ZNF695: variants seen among roughly 807,000 people sequenced by gnomAD.
ZNF695 encodes the protein zinc finger protein SBZF3.
In ZNF695, 11 loss-of-function variants were observed where a neutral mutation model predicts 11.2. That is an observed-to-expected ratio of 0.98 (90% CI 0.62 to 1.62). The LOEUF is 1.62. Among genes scored for constraint, ZNF695 ranks in the 40% most tolerant of loss-of-function variants. ZNF695 has a pLI of 0.00. For synonymous variants in ZNF695, 190 were observed against 201.4 expected, an observed-to-expected ratio of 0.94 and a Z score of 0.48; for missense variants, 559 against 590.5, an observed-to-expected ratio of 0.95 and a Z score of 0.55.
At chr1:246,992,146 A>T (rs1323972349) in intron 3 of ZNF695, among the ~76,000 whole-genome samples, 1 of 150,864 alleles carries the variant, frequency 6.6e-6, no homozygotes, top group Non-Finnish European at 1.5e-5. Context: ...CCTGGGTGAC[A>T]GAGCGAGACT....
chr1:246,998,963 G>C (rs1465605243), intron 3 of ZNF695, among the ~76,000 whole-genome samples: 1 of 149,280 alleles, frequency 6.7e-6, no homozygotes, highest in African/African-American at 2.5e-5. Flanking sequence ...ACGAGACTCT[G>C]TCTCAAGAAA....
intron 4 of ZNF695, chr1:246,968,940 T>A (rs1668355356): frequency 6.6e-6 from 1 of 152,286 alleles, no homozygotes; most frequent in Admixed American, 6.5e-5. Flanking sequence ...TTTTCCCTCC[T>A]AGGCCTCCAG....
rs749823485 is a variant in ZNF695, at chr1:247,007,871, C to G, written c.3+35G>C. On this transcript the variant is annotated intron_variant, in intron 1 of 3. Coordinates refer to ENST00000339986, the MANE Select transcript of ZNF695 (RefSeq NM_020394.5). Reference sequence around the variant, plus strand: ...TTCCAACCGATTCCAACCACCCCCTCTCCCTTCTCGGGACACCCTGCTCCG... The same window carrying G: ...TTCCAACCGATTCCAACCACCCCCTGTCCCTTCTCGGGACACCCTGCTCCG... The G allele has an allele frequency of 2.6e-6, 4 of 1,539,690 alleles. No individual in the cohort carries two copies. The African/African-American group carries it at 4.2e-5, about 16-fold the overall frequency.
chr1:246,970,456 G>A lies in ZNF695; in HGVS notation c.391-2664C>T, dbSNP rs557364215. Among the ~76,000 whole-genome samples the A allele has an allele frequency of 2.0e-5, 3 of 152,256 alleles. 1 individual carries two copies. The South Asian group carries it at 6.2e-4, about 32-fold the overall frequency. ...AAAGACTGGAGGTGGGGATGGCTAC[G>A]GCAGTTTGCAATTTGTGAGGCAGAG... On this transcript the variant is annotated intron_variant, in intron 4 of 5. Coordinates refer to the ZNF695 transcript ENST00000487338.
chr1:246,955,541 A>G lies in ZNF695; in HGVS notation c.489-9714T>C, dbSNP rs370061313. On this transcript the variant is annotated intron_variant, in intron 5 of 5. Transcript: ENST00000487338. ...ATATACTCTAAACTCTAAAATTATC[A>G]TTCTACTCAGTATTGCTGATCTCTT... Among the ~76,000 whole-genome samples, 24 of 152,352 alleles carry G rather than the reference A, an allele frequency of 1.6e-4. No individual in the cohort carries two copies. In the East Asian group the frequency reaches 4.2e-3, roughly 27 times the overall value.
chr1:246,985,784 C>A lies in ZNF695; in HGVS notation c.*1183G>T. 1 of 985,388 alleles carries A rather than the reference C, an allele frequency of 1.0e-6. No individual in the cohort carries two copies. The highest frequency in any genetic ancestry group is 1.2e-6 in the Non-Finnish European group (1 of 829,924). 61.0% of individuals were successfully genotyped at this position (985,388 alleles called of 1,614,324 possible). ...GAAGACCTATCTCATGAATCACTTACAACCCTATTATAAGACAAGTACAAA... is the reference window on the plus strand; with the variant it reads ...GAAGACCTATCTCATGAATCACTTAAAACCCTATTATAAGACAAGTACAAA... On this transcript the variant is annotated 3_prime_UTR_variant, in exon 4 of 4. Transcript: ENST00000339986.
chr1:246,975,521 G>T (rs941171784), intron 4 of ZNF695, among the ~76,000 whole-genome samples: 1 of 152,194 alleles, frequency 6.6e-6, no homozygotes, highest in Non-Finnish European at 1.5e-5. Context: ...ACAATGCACT[G>T]AAGTTTTGGA....
At chr1:246,962,824 T>C (rs926818870) in intron 5 of ZNF695, among the ~76,000 whole-genome samples, 15 of 152,028 alleles carry the variant, frequency 9.9e-5, no homozygotes, top group Admixed American at 2.6e-4. Context: ...TCCCGAGTAG[T>C]TGGGACTACA....
Position 246,970,797 on chromosome 1 carries a change from C to T in ZNF695, c.391-3005G>A, listed in dbSNP as rs576822142. Among the ~76,000 whole-genome samples the T allele has an allele frequency of 2.3e-4, 35 of 152,332 alleles. 1 individual carries two copies. In the South Asian group the frequency reaches 6.0e-3, roughly 26 times the overall value. On this transcript the variant is annotated intron_variant, in intron 4 of 5. Transcript: ENST00000487338. ...GTTTTTGTGTTTTGAGACGAAGTCT[C>T]GCTCTGTCGCCCAGGCTGGAGTGCA...
chr1:246,979,669 A>G (rs1668654269), intron 4 of ZNF695, among the ~76,000 whole-genome samples: 1 of 152,202 alleles, frequency 6.6e-6, no homozygotes, highest in African/African-American at 2.4e-5. Context: ...AATTATGAAT[A>G]TGGTTGAGAA....
At chr1:246,959,750 T>C (rs545561316) in intron 5 of ZNF695, among the ~76,000 whole-genome samples, 24 of 152,304 alleles carry the variant, frequency 1.6e-4, no homozygotes, top group African/African-American at 5.1e-4. Context: ...TTTTAGAACC[T>C]AGACTATTGA....
intron 5 of ZNF695, among the ~76,000 whole-genome samples, chr1:246,952,777 T>C (rs538595995): frequency 2.0e-5 from 3 of 152,136 alleles, no homozygotes; most frequent in Admixed American, 2.0e-4. Flanking sequence ...GCAACTTCTT[T>C]TCAGAAACTA....
chr1:247,007,909 TTCCCAGCTTTTGGGGG>T lies in ZNF695; in HGVS notation c.-17_-2del. 6.5e-7 allele frequency: 1 copy of T among 1,533,426 alleles called. No homozygotes were observed. The highest frequency in any genetic ancestry group is 8.8e-7 in the Non-Finnish European group (1 of 1,133,534). 95.0% of individuals were successfully genotyped at this position (1,533,426 alleles called of 1,614,324 possible). On this transcript the variant is annotated 5_prime_UTR_variant, in exon 1 of 4. Coordinates refer to ENST00000339986, the MANE Select transcript of ZNF695 (RefSeq NM_020394.5). The stretch of plus-strand genomic sequence containing the variant: ...ACACCCTGCTCCGCACACTCACCAT[TTCCCAGCTTTTGGGGG>T]TCCCAGCGTCCTCCCTATAAATCTC...
rs1668905267 is a variant in ZNF695 at position 246,987,941 on chromosome 1, C to T, written c.574G>A (p.Val192Ile). 2 of 1,611,534 alleles carry T rather than the reference C, an allele frequency of 1.2e-6. No individual in the cohort carries two copies. The highest frequency in any genetic ancestry group is 1.7e-6 in the Non-Finnish European group (2 of 1,179,206). Residue 192 changes from valine to isoleucine, a missense_variant, in exon 4 of 4, where the codon GTC (valine) becomes ATC (isoleucine). Physicochemically the swap from Val to Ile is conservative, Grantham distance 29. Coordinates refer to ENST00000339986, the MANE Select transcript of ZNF695 (RefSeq NM_020394.5). Reference protein sequence around the residue: ...KPFKCKECGNVSCMSLIMTQQ... With the variant: ...KPFKCKECGNISCMSLIMTQQ... ...GTCATTATTAAAGACATGCAAGAGA[C>T]ATTGCCACATTCTTTGCATTTGAAT...
chr1:246,982,323 C>CTAT (rs1668731279), downstream of ZNF695, among the ~76,000 whole-genome samples: 1 of 149,742 alleles, frequency 6.7e-6, no homozygotes, highest in Non-Finnish European at 1.5e-5. Flanking sequence ...AGAAGTCATT[C>CTAT]TATTATTGTT....
intron 1 of ZNF695, among the ~76,000 whole-genome samples, chr1:247,000,576 A>G (rs1202901338): frequency 6.6e-6 from 1 of 152,230 alleles, no homozygotes; most frequent in Non-Finnish European, 1.5e-5. Context: ...CTGAGGAAAG[A>G]AGATGGCTTA....
At chr1:246,959,313 ATATATATATATATATATAT>A (rs1558304497) in intron 5 of ZNF695, among the ~76,000 whole-genome samples, 511 of 39,446 alleles carry the variant, frequency 0.013, 28 homozygotes, top group Non-Finnish European at 0.017. Flanking sequence ...AAAAAAAAAT[ATATATATATATATATATAT>A]ATATATATAT....
chr1:247,006,275 CAAA>C (rs201208582), intron 1 of ZNF695, among the ~76,000 whole-genome samples: 7 of 143,742 alleles, frequency 4.9e-5, no homozygotes, highest in Non-Finnish European at 9.2e-5. Flanking sequence ...GTGAAAAAAA[CAAA>C]AAAGAACCGT....
chr1:246,958,950 G>T (rs1395619994), intron 5 of ZNF695, among the ~76,000 whole-genome samples: 2 of 151,926 alleles, frequency 1.3e-5, no homozygotes, highest in Admixed American at 1.3e-4. Context: ...CAATGAATCA[G>T]ATACTGTAAA....
Sources: allele counts gnomAD v4.1 joint callset (sites outside exome capture counted in the v4.1 genomes callset), GRCh38; gene constraint gnomAD v4.1.1; transcripts MANE v1.5; gene names NCBI Gene and HGNC (gene_info 2026-07-23, HGNC 2026-07-21).